Variants in MAPRE3 observed in about 807,000 individuals in gnomAD.
MAPRE3 encodes microtubule associated protein RP/EB family member 3, also known as microtubule-associated protein RP/EB family member 3.
MAPRE3 carries 2 observed loss-of-function variants against 30.5 expected under a neutral mutation model. The observed-to-expected ratio is 0.07, with a 90% confidence interval of 0.03 to 0.21. The LOEUF (loss-of-function observed/expected upper bound fraction) is 0.21. Ranked by LOEUF, MAPRE3 falls within the 10% of genes least tolerant of loss-of-function variation. The pLI, the probability that MAPRE3 is intolerant of heterozygous loss-of-function variation, is 1.00. For missense variants in MAPRE3, 204 were observed against 351.8 expected (o/e 0.58, Z 3.36); for synonymous variants, 110 against 127.7 (o/e 0.86, Z 0.93).
At chr2:26,989,975 T>G (rs1186402151) in intron 1 of MAPRE3, among the ~76,000 whole-genome samples, 1 of 152,096 alleles carries the variant, frequency 6.6e-6, no homozygotes, top group East Asian at 1.9e-4. Context: ...GGCCAGGAGC[T>G]CAAGACAAGC....
rs569235604 is a variant in MAPRE3, at chr2:26,992,075, C to T, written c.-8+21273C>T. Among the ~76,000 whole-genome samples, 11 of 152,124 alleles carry T rather than the reference C, an allele frequency of 7.2e-5. No homozygotes were observed. In the South Asian group the frequency reaches 2.3e-3, roughly 32 times the overall value. On this transcript the variant is annotated intron_variant, in intron 1 of 6. Transcript: ENST00000233121. ...TGGAAAATCAGAAACTGTTACTACT[C>T]CATAACTAAGGGAGAAGAATAAAAG...
chr2:26,997,350 GT>G (rs943759540), intron 1 of MAPRE3, among the ~76,000 whole-genome samples: 1 of 152,012 alleles, frequency 6.6e-6, no homozygotes, highest in South Asian at 2.1e-4. Context: ...AAAACATGGA[GT>G]TTTTTTGTGA....
At chr2:26,992,561 T>C (rs1339814322) in intron 1 of MAPRE3, among the ~76,000 whole-genome samples, 1 of 151,014 alleles carries the variant, frequency 6.6e-6, no homozygotes, top group Non-Finnish European at 1.5e-5. Flanking sequence ...TCCTGACCTA[T>C]ACTAAGAGTT....
chr2:26,971,729 G>A (rs1030378560), intron 1 of MAPRE3, among the ~76,000 whole-genome samples: 2 of 152,110 alleles, frequency 1.3e-5, no homozygotes, highest in Admixed American at 1.3e-4. Context: ...AGGGGCTGTG[G>A]CAGGACTTGA....
At chr2:26,974,706 CT>C (rs1558369100) in intron 1 of MAPRE3, among the ~76,000 whole-genome samples, 2 of 152,200 alleles carry the variant, frequency 1.3e-5, no homozygotes, top group African/African-American at 4.8e-5. Flanking sequence ...GCTGTGTGGC[CT>C]TGGGTGAGTT....
chr2:26,983,658 C>T (rs772541311), intron 1 of MAPRE3, among the ~76,000 whole-genome samples: 25 of 152,148 alleles, frequency 1.6e-4, no homozygotes, highest in Admixed American at 3.3e-4. Context: ...TCTAGCTGTT[C>T]TGTGGAAATT....
intron 1 of MAPRE3, among the ~76,000 whole-genome samples, chr2:27,008,492 T>A (rs1446310145): frequency 6.6e-6 from 1 of 152,170 alleles, no homozygotes; most frequent in Non-Finnish European, 1.5e-5. Context: ...GAATTTGGAT[T>A]TTTTGGAGGG....
chr2:26,988,123 G>A (rs887295639), intron 1 of MAPRE3, among the ~76,000 whole-genome samples: 2 of 152,228 alleles, frequency 1.3e-5, no homozygotes, highest in Non-Finnish European at 2.9e-5. Flanking sequence ...AACTGCCAGA[G>A]CCATTGCTAC....
chr2:27,019,627 A>G (rs1371301472), intron 1 of MAPRE3, among the ~76,000 whole-genome samples: 1 of 152,188 alleles, frequency 6.6e-6, no homozygotes, highest in Non-Finnish European at 1.5e-5. Context: ...TGCAGTCAAC[A>G]TTACTCTCGG....
At chr2:26,996,808 A>G (rs968754892) in intron 1 of MAPRE3, 1 of 152,094 alleles carries the variant, frequency 6.6e-6, no homozygotes, top group Non-Finnish European at 1.5e-5. Flanking sequence ...CTCCATCCCA[A>G]AATAAATAGA....
At chr2:27,019,160 G>GGAGGAAGAA (rs1667057355) in intron 1 of MAPRE3, among the ~76,000 whole-genome samples, 3 of 151,952 alleles carry the variant, frequency 2.0e-5, no homozygotes, top group African/African-American at 7.3e-5. Flanking sequence ...CTCCCAAAGT[G>GGAGGAAGAA]CTGGCATTAC....
intron 1 of MAPRE3, among the ~76,000 whole-genome samples, chr2:26,973,006 A>T (rs1352652369): frequency 6.6e-6 from 1 of 152,192 alleles, no homozygotes; most frequent in Non-Finnish European, 1.5e-5. Flanking sequence ...ACCAAGTTAG[A>T]CCTAAATCTA....
chr2:26,983,422 G>A (rs1463831650), intron 1 of MAPRE3, among the ~76,000 whole-genome samples: 1 of 152,136 alleles, frequency 6.6e-6, no homozygotes, highest in Non-Finnish European at 1.5e-5. Context: ...CTCCTGGCCT[G>A]GAAGGCTTGA....
intron 1 of MAPRE3, among the ~76,000 whole-genome samples, chr2:26,979,565 G>A (rs1187031538): frequency 2.0e-5 from 3 of 152,306 alleles, no homozygotes; most frequent in Middle Eastern, 3.4e-3. Context: ...CAGCCTGGGT[G>A]GCAGAGTAAG....
intron 1 of MAPRE3, among the ~76,000 whole-genome samples, chr2:27,003,462 C>G (rs1372442381): frequency 6.6e-6 from 1 of 152,218 alleles, no homozygotes; most frequent in Non-Finnish European, 1.5e-5. Context: ...ACCCTGATCT[C>G]TTGAGAGGTG....
At chr2:26,983,111 G>A (rs993930339) in intron 1 of MAPRE3, among the ~76,000 whole-genome samples, 2 of 152,146 alleles carry the variant, frequency 1.3e-5, no homozygotes, top group Admixed American at 6.5e-5. Context: ...GCCTCACTTG[G>A]GCAGAGTTAA....
At chr2:27,010,556 T>C (rs773046828) in intron 1 of MAPRE3, among the ~76,000 whole-genome samples, 3 of 150,476 alleles carry the variant, frequency 2.0e-5, no homozygotes, top group Non-Finnish European at 3.0e-5. Context: ...CATTATCCTA[T>C]CTCAGCCTCC....
chr2:27,001,112 T>C (rs1666585192), intron 1 of MAPRE3, among the ~76,000 whole-genome samples: 1 of 152,252 alleles, frequency 6.6e-6, no homozygotes, highest in Non-Finnish European at 1.5e-5. Flanking sequence ...TATATTTTTG[T>C]TCTGTAATAC....
At chr2:27,016,616 C>T (rs1019816909) in intron 1 of MAPRE3, among the ~76,000 whole-genome samples, 2 of 152,062 alleles carry the variant, frequency 1.3e-5, no homozygotes, top group Non-Finnish European at 2.9e-5. Context: ...GATCTCCTGA[C>T]CTCATGATCC....
Sources: allele counts gnomAD v4.1 joint callset (sites outside exome capture counted in the v4.1 genomes callset), GRCh38; gene constraint gnomAD v4.1.1; transcripts MANE v1.5; gene names NCBI Gene and HGNC (gene_info 2026-07-23, HGNC 2026-07-21).